Variants in PIP4K2A observed in about 807,000 individuals in gnomAD.
PIP4K2A encodes the protein phosphatidylinositol 5-phosphate 4-kinase type-2 alpha.
PIP4K2A carries 14 observed loss-of-function variants against 42.9 expected under a neutral mutation model. The observed-to-expected ratio is 0.33, with a 90% CI of 0.22 to 0.51. The LOEUF (loss-of-function observed/expected upper bound fraction) is 0.51. PIP4K2A is among the 20% of genes least tolerant of loss of function. The pLI is 0.97. For synonymous variants in PIP4K2A, 192 were observed against 192.2 expected (o/e 1.00, Z 0.01); for missense variants, 434 against 519.8 (o/e 0.83, Z 1.61).
intron 3 of PIP4K2A, among the ~76,000 whole-genome samples, chr10:22,601,985 C>A (rs1442162480): frequency 6.6e-6 from 1 of 152,170 alleles, no homozygotes; most frequent in African/African-American, 2.4e-5. Context: ...TCAAGCTGCT[C>A]CGTGCTTTAC....
intron 4 of PIP4K2A, among the ~76,000 whole-genome samples, chr10:22,586,678 G>A (rs1243550154): frequency 6.6e-6 from 1 of 151,966 alleles, no homozygotes; most frequent in Admixed American, 6.6e-5. Context: ...CTACAGGCAC[G>A]TGCCATCATG....
At chr10:22,650,797 A>C (rs999557936) in intron 1 of PIP4K2A, among the ~76,000 whole-genome samples, 4 of 151,886 alleles carry the variant, frequency 2.6e-5, no homozygotes, top group African/African-American at 4.8e-5. Flanking sequence ...TTACTTCCTA[A>C]ACTAGATGGA....
chr10:22,702,301 C>G (rs569133979), intron 1 of PIP4K2A, among the ~76,000 whole-genome samples: 2 of 152,320 alleles, frequency 1.3e-5, no homozygotes, highest in South Asian at 4.1e-4. Context: ...CCTATTCTTA[C>G]AATGTTTATG....
intron 8 of PIP4K2A, 78 bp downstream of exon 8, chr10:22,541,726 G>A (rs1372640463): frequency 2.0e-6 from 3 of 1,463,720 alleles, no homozygotes; most frequent in Non-Finnish European, 1.8e-6. Flanking sequence ...CATAACTGGG[G>A]TAGTGCTTAC....
intron 1 of PIP4K2A, among the ~76,000 whole-genome samples, chr10:22,701,510 T>C (rs1430975181): frequency 1.3e-5 from 2 of 152,170 alleles, no homozygotes; most frequent in African/African-American, 2.4e-5. Context: ...AATGGCATTC[T>C]TCCTTCTTGC....
intron 1 of PIP4K2A, among the ~76,000 whole-genome samples, chr10:22,627,064 G>A (rs527732581): frequency 5.9e-5 from 9 of 151,458 alleles, no homozygotes; most frequent in African/African-American, 2.0e-4. Flanking sequence ...CTCCTCCCAC[G>A]CATTCTATGT....
intron 6 of PIP4K2A, among the ~76,000 whole-genome samples, chr10:22,560,159 A>G (rs1398138292): frequency 6.6e-6 from 1 of 152,146 alleles, no homozygotes; most frequent in African/African-American, 2.4e-5. Context: ...CTCGGAAGAA[A>G]AGGAATTTTA....
Position 22,582,059 on chromosome 10 carries a change from G to A in PIP4K2A, c.493-8602C>T, listed in dbSNP as rs148649322. 8.1e-3 allele frequency among the ~76,000 whole-genome samples: 1,226 copies of A among 151,752 alleles called. 14 individuals carry two copies. Among genetic ancestry groups the A allele is most frequent in the African/African-American group, 0.027 (1,120 of 41,354 alleles). On this transcript the variant is annotated intron_variant, in intron 4 of 9. Transcript: ENST00000376573. ...TGAGGCTGCAGTGAGCTGTGTTTGC[G>A]CCACTGTACTCCAGCCTGGGTTACA...
At chr10:22,598,106 C>T (rs1012891330) in intron 3 of PIP4K2A, among the ~76,000 whole-genome samples, 9 of 152,184 alleles carry the variant, frequency 5.9e-5, no homozygotes, top group East Asian at 1.9e-4. Context: ...GCCTGTAATC[C>T]TAGCACTTTT....
intron 1 of PIP4K2A, among the ~76,000 whole-genome samples, chr10:22,671,175 T>C (rs1839440867): frequency 6.6e-6 from 1 of 152,218 alleles, no homozygotes. Flanking sequence ...TATATTTATA[T>C]ATACACACAC....
At chr10:22,605,043 C>T (rs1022986031) in intron 3 of PIP4K2A, among the ~76,000 whole-genome samples, 4 of 152,164 alleles carry the variant, frequency 2.6e-5, no homozygotes, top group African/African-American at 9.7e-5. Flanking sequence ...CCCAGATTTA[C>T]GATCCTGTTT....
At chr10:22,646,564 AAC>A (rs1042936201) in intron 1 of PIP4K2A, among the ~76,000 whole-genome samples, 2 of 152,342 alleles carry the variant, frequency 1.3e-5, no homozygotes, top group African/African-American at 4.8e-5. Flanking sequence ...TGGCAAAAAA[AAC>A]ACAAAAATCA....
At chr10:22,555,478 G>C (rs762257880) in intron 6 of PIP4K2A, among the ~76,000 whole-genome samples, 2 of 152,186 alleles carry the variant, frequency 1.3e-5, no homozygotes, top group Admixed American at 6.5e-5. Flanking sequence ...GCGCATCGCT[G>C]ATCAATCCAG....
intron 3 of PIP4K2A, among the ~76,000 whole-genome samples, chr10:22,597,362 C>T (rs745683051): frequency 3.9e-5 from 6 of 152,178 alleles, no homozygotes; most frequent in Non-Finnish European, 5.9e-5. Flanking sequence ...ACTGTGGTGA[C>T]GATGTCAACC....
intron 3 of PIP4K2A, among the ~76,000 whole-genome samples, chr10:22,605,497 C>T (rs1837886847): frequency 6.6e-6 from 1 of 152,218 alleles, no homozygotes; most frequent in African/African-American, 2.4e-5. Context: ...ATTTCAGCAA[C>T]TAAATTGGTC....
At chr10:22,586,855 A>G (rs1266174117) in intron 4 of PIP4K2A, among the ~76,000 whole-genome samples, 1 of 152,160 alleles carries the variant, frequency 6.6e-6, no homozygotes, top group African/African-American at 2.4e-5. Context: ...TATATACTAG[A>G]CACTGCTCTG....
intron 1 of PIP4K2A, among the ~76,000 whole-genome samples, chr10:22,689,047 T>G (rs1839811698): frequency 6.6e-6 from 1 of 152,206 alleles, no homozygotes; most frequent in Non-Finnish European, 1.5e-5. Context: ...TATCTTTTTC[T>G]TCTTCCTTAG....
chr10:22,612,005 C>G (rs889574305), intron 1 of PIP4K2A, among the ~76,000 whole-genome samples: 6 of 152,218 alleles, frequency 3.9e-5, no homozygotes, highest in African/African-American at 7.2e-5. Context: ...TCTTCTCAGA[C>G]AGGAAACAGG....
intron 1 of PIP4K2A, among the ~76,000 whole-genome samples, chr10:22,618,962 T>G (rs1336855258): frequency 1.3e-5 from 2 of 152,194 alleles, no homozygotes; most frequent in Non-Finnish European, 2.9e-5. Flanking sequence ...AAAGGCATAA[T>G]TTTTTCTTAC....
Sources: allele counts gnomAD v4.1 joint callset (sites outside exome capture counted in the v4.1 genomes callset), GRCh38; gene constraint gnomAD v4.1.1; transcripts MANE v1.5; gene names NCBI Gene and HGNC (gene_info 2026-07-23, HGNC 2026-07-21).